AIDA: variants seen among roughly 807,000 people sequenced by gnomAD.
The protein encoded by AIDA is axin interactor, dorsalization associated.
In AIDA, 18 loss-of-function variants were observed where a neutral mutation model predicts 42.7. The observed-to-expected ratio is 0.42, with a 90% CI of 0.29 to 0.63. The LOEUF (loss-of-function observed/expected upper bound fraction) is 0.63, where lower values mean the gene tolerates loss of function less well. Ranked by LOEUF, AIDA falls within the 20% of genes least tolerant of loss-of-function variation. The pLI, the probability that AIDA is intolerant of heterozygous loss-of-function variation, is 0.19. For missense variants in AIDA, 250 were observed against 354.1 expected (o/e 0.71, Z 2.36); for synonymous variants, 104 against 122.9 (o/e 0.85, Z 1.02).
intron 7 of AIDA, among the ~76,000 whole-genome samples, chr1:222,675,349 T>C (rs1664525533): frequency 6.6e-6 from 1 of 152,204 alleles, no homozygotes; most frequent in African/African-American, 2.4e-5. Flanking sequence ...AATAAAGTAC[T>C]GTATAAAATG....
intron 9 of AIDA, 37 bp downstream of exon 9, chr1:222,670,096 A>T: frequency 6.2e-7 from 1 of 1,608,970 alleles, no homozygotes; most frequent in Non-Finnish European, 8.5e-7. Flanking sequence ...ACTAGTCACC[A>T]TCAAATTAGT....
intron 1 of AIDA, among the ~76,000 whole-genome samples, chr1:222,704,752 C>T (rs1655794707): frequency 6.6e-6 from 1 of 152,086 alleles, no homozygotes; most frequent in Admixed American, 6.6e-5. Context: ...ACTGTGAATA[C>T]ACTAAAAACC....
At chr1:222,677,306 A>G (rs868706939) in intron 6 of AIDA, among the ~76,000 whole-genome samples, 9 of 152,268 alleles carry the variant, frequency 5.9e-5, no homozygotes, top group Middle Eastern at 3.4e-3. Context: ...TATTAATACT[A>G]ATGACTTATC....
intron 1 of AIDA, among the ~76,000 whole-genome samples, chr1:222,707,486 A>G (rs1012575021): frequency 6.6e-6 from 1 of 152,210 alleles, no homozygotes; most frequent in Admixed American, 6.5e-5. Context: ...AGCCGACATG[A>G]AAAATTAATT....
chr1:222,689,230 G>C (rs1365528231), intron 4 of AIDA, among the ~76,000 whole-genome samples: 1 of 151,488 alleles, frequency 6.6e-6, no homozygotes, highest in Non-Finnish European at 1.5e-5. Flanking sequence ...TGGCAGACAG[G>C]AGTTTGAGAC....
chr1:222,690,182 G>C (rs1655335180), intron 4 of AIDA, among the ~76,000 whole-genome samples: 1 of 152,104 alleles, frequency 6.6e-6, no homozygotes, highest in Non-Finnish European at 1.5e-5. Flanking sequence ...GTGCATCCCT[G>C]TCATTAAGTG....
Position 222,676,168 on chromosome 1 carries a change from TAGTG to T in AIDA, c.507_510del (p.Thr170SerfsTer8). The T allele has an allele frequency of 1.2e-6, 2 of 1,613,268 alleles. No individual in the cohort carries two copies. The highest frequency in any genetic ancestry group is 1.7e-6 in the Non-Finnish European group (2 of 1,179,684). ...TTCAAACCAATTTTCTCAATTCTGA[TAGTG>T]AGTAATGTCATTCCTGGTTCCGATG... On this transcript the variant is annotated frameshift_variant, in exon 7 of 10. Transcript: ENST00000340020. LOFTEE classifies it high-confidence loss of function.
At position 222,690,112 on chromosome 1, in the gene AIDA, T is replaced by A. The variant is rs145475161; in HGVS notation, c.290-2454A>T. Among the ~76,000 whole-genome samples, 247 of 152,318 alleles carry A rather than the reference T, an allele frequency of 1.6e-3. 1 individual carries two copies. Among genetic ancestry groups the A allele is most frequent in the African/African-American group, 5.4e-3 (223 of 41,560 alleles). On this transcript the variant is annotated intron_variant, in intron 4 of 9. Coordinates refer to ENST00000340020, the MANE Select transcript of AIDA (RefSeq NM_022831.4). ...CCATATAGGCTATACCATCTAGGTT[T>A]GTGTAAGTGCACTCTATGATGCTCA...
intron 4 of AIDA, among the ~76,000 whole-genome samples, chr1:222,689,230 G>A (rs1365528231): frequency 6.6e-6 from 1 of 151,488 alleles, no homozygotes; most frequent in African/African-American, 2.4e-5. Context: ...TGGCAGACAG[G>A]AGTTTGAGAC....
At chr1:222,698,746 T>G (rs765964644) in intron 2 of AIDA, among the ~76,000 whole-genome samples, 15 of 152,116 alleles carry the variant, frequency 9.9e-5, no homozygotes, top group Non-Finnish European at 5.9e-5. Flanking sequence ...CCACCACGCC[T>G]GGCCCATCAA....
At chr1:222,693,758 G>A (rs1202651036) in intron 4 of AIDA, 31 bp downstream of exon 4, 5 of 1,542,590 alleles carry the variant, frequency 3.2e-6, no homozygotes, top group East Asian at 4.5e-5. Flanking sequence ...TTCCAAAGGA[G>A]TATCACAAAA....
At chr1:222,712,023 G>T in intron 1 of AIDA, 185 bp downstream of exon 1, 1 of 787,390 alleles carries the variant, frequency 1.3e-6, no homozygotes, top group Non-Finnish European at 2.0e-6. Context: ...ACCCCAGAGA[G>T]CGGAGCCGTT....
rs1189039060 is a variant in AIDA at position 222,669,854 on chromosome 1, G to T, written c.*39C>A. On this transcript the variant is annotated 3_prime_UTR_variant, in exon 10 of 10. Transcript: ENST00000340020. ...AGAGCTATGATGGTTTCTACTGAGT[G>T]GTAAAATTCACAGAAGTTCCAGGTT... 1.9e-6 allele frequency: 3 copies of T among 1,580,216 alleles called. No homozygotes were observed. The South Asian group carries it at 3.4e-5, about 18-fold the overall frequency.
chr1:222,696,117 G>A (rs1216691154), intron 2 of AIDA, among the ~76,000 whole-genome samples: 2 of 152,196 alleles, frequency 1.3e-5, no homozygotes, highest in African/African-American at 4.8e-5. Flanking sequence ...GAGTTTAGAA[G>A]ATGTCCAATT....
At chr1:222,699,362 A>G (rs988562202) in intron 2 of AIDA, among the ~76,000 whole-genome samples, 2 of 152,222 alleles carry the variant, frequency 1.3e-5, no homozygotes, top group Admixed American at 6.5e-5. Context: ...TTTGGCTTGC[A>G]TGCTAGGCAT....
chr1:222,697,850 T>G (rs1571937791), intron 2 of AIDA, among the ~76,000 whole-genome samples: 1 of 146,780 alleles, frequency 6.8e-6, no homozygotes, highest in Non-Finnish European at 1.5e-5. Context: ...GTGGTGGGGG[T>G]AGAACTGAGG....
chr1:222,680,015 G>A (rs567407017), intron 6 of AIDA, among the ~76,000 whole-genome samples: 4 of 152,310 alleles, frequency 2.6e-5, no homozygotes, highest in Admixed American at 6.5e-5. Flanking sequence ...GGAGCTCCAC[G>A]CAAAAGAGTG....
At chr1:222,691,481 T>G (rs1008783243) in intron 4 of AIDA, among the ~76,000 whole-genome samples, 2 of 152,070 alleles carry the variant, frequency 1.3e-5, no homozygotes, top group Admixed American at 6.6e-5. Flanking sequence ...CATAGAAAAA[T>G]TTAAAGTACA....
intron 5 of AIDA, among the ~76,000 whole-genome samples, 195 bp from the exon 6 acceptor site, chr1:222,687,231 A>G (rs1440745664): frequency 6.6e-6 from 1 of 152,102 alleles, no homozygotes; most frequent in African/African-American, 2.4e-5. Context: ...GGAGTTCGAG[A>G]CCAGCCTGGG....
Sources: gnomAD v4.1 joint callset for allele counts (sites outside exome capture counted in the v4.1 genomes callset) on GRCh38, gnomAD v4.1.1 for gene constraint, MANE v1.5 for transcripts, NCBI Gene and HGNC (gene_info 2026-07-23, HGNC 2026-07-21) for gene names.